Variants in PHF24 observed in about 807,000 individuals in gnomAD.
PHF24 encodes PHD finger protein 24.
In PHF24, 25 loss-of-function variants were observed where a neutral mutation model predicts 42.6. The ratio of observed to expected loss-of-function variants is 0.59; its 90% CI spans 0.43 to 0.82. PHF24 has a LOEUF of 0.82. PHF24 is among the 40% of genes least tolerant of loss of function. PHF24 has a pLI of 0.00. For missense variants in PHF24, 470 were observed against 538.1 expected (o/e 0.87, Z 1.25); for synonymous variants, 185 against 204.8 (o/e 0.90, Z 0.83).
At chr9:34,731,226 C>T in the PHF24 span, among the ~76,000 whole-genome samples, 1 of 152,138 alleles carries the variant, frequency 6.6e-6, no homozygotes, top group Non-Finnish European at 1.5e-5. Flanking sequence ...ATAATCACAT[C>T]AGGGTAAATG....
At chr9:34,951,607 C>T in the PHF24 span, among the ~76,000 whole-genome samples, 1 of 152,118 alleles carries the variant, frequency 6.6e-6, no homozygotes, top group Non-Finnish European at 1.5e-5. Flanking sequence ...CCAAGAGCCT[C>T]CAGAAGGAAT....
chr9:34,971,389 A>C (rs1442055337), exon 2 of PHF24: 2 of 1,614,060 alleles, frequency 1.2e-6, no homozygotes, highest in African/African-American at 1.3e-5. Flanking sequence ...GCTGCGGGAC[A>C]GGCCTTCCAT....
chr9:34,846,981 C>T, the PHF24 span, among the ~76,000 whole-genome samples: 1 of 152,166 alleles, frequency 6.6e-6, no homozygotes, highest in South Asian at 2.1e-4. Flanking sequence ...GTACTAGTAC[C>T]ATGCTGTTTT....
chr9:34,838,526 C>A, the PHF24 span: 3 of 1,303,162 alleles, frequency 2.3e-6, no homozygotes, highest in South Asian at 3.9e-5. Flanking sequence ...GATCAGCCAT[C>A]CCTCTATCTC....
chr9:34,752,803 C>G, the PHF24 span, among the ~76,000 whole-genome samples: 1 of 152,040 alleles, frequency 6.6e-6, no homozygotes, highest in Non-Finnish European at 1.5e-5. Context: ...TACTAGCAAA[C>G]CAAATTCAAC....
the PHF24 span, among the ~76,000 whole-genome samples, chr9:34,708,509 C>T: frequency 5.2e-3 from 788 of 152,286 alleles, 2 homozygotes; most frequent in Middle Eastern, 0.041. Context: ...TCTCTCAGGG[C>T]TGGAACTGTG....
chr9:34,944,991 T>G, the PHF24 span, among the ~76,000 whole-genome samples: 14 of 152,148 alleles, frequency 9.2e-5, no homozygotes, highest in Non-Finnish European at 1.6e-4. Context: ...CTGATTCTCA[T>G]TATCCCTCTG....
At chr9:34,748,689 C>T in the PHF24 span, among the ~76,000 whole-genome samples, 5 of 152,262 alleles carry the variant, frequency 3.3e-5, no homozygotes, top group Non-Finnish European at 7.4e-5. Context: ...TATCACAACA[C>T]CCAAATCCCT....
At chr9:34,974,606 T>C (rs1022340170) in intron 3 of PHF24, among the ~76,000 whole-genome samples, 1 of 152,132 alleles carries the variant, frequency 6.6e-6, no homozygotes, top group African/African-American at 2.4e-5. Context: ...TAGTTTCTTG[T>C]CTCAGTCCTG....
the PHF24 span, among the ~76,000 whole-genome samples, chr9:34,826,311 G>A: frequency 2.6e-5 from 4 of 152,342 alleles, no homozygotes; most frequent in African/African-American, 9.6e-5. Context: ...TGAGCTCAAG[G>A]AAGTCCTCCC....
chr9:34,700,676 C>T, the PHF24 span, among the ~76,000 whole-genome samples: 1 of 152,038 alleles, frequency 6.6e-6, no homozygotes, highest in Non-Finnish European at 1.5e-5. Context: ...GCTGAAGACA[C>T]ACATTTGGGA....
At position 34,958,703 on chromosome 9, in the gene PHF24, G is replaced by A. The variant is rs1250744472; in HGVS notation, c.-5+302G>A. On this transcript the variant is annotated intron_variant, in intron 1 of 7. Transcript: ENST00000242315. The surrounding 1 kb of genome is among the most constrained non-coding windows in gnomAD (Gnocchi z 4.5). ...GACTGGCCCCAGAGAGCCCTTCTGTGTCACTGTGGGAGCAGGCACAAGGGT... is the reference window on the plus strand; with the variant it reads ...GACTGGCCCCAGAGAGCCCTTCTGTATCACTGTGGGAGCAGGCACAAGGGT... Among the ~76,000 whole-genome samples the A allele has an allele frequency of 6.6e-6, 1 of 152,188 alleles. No homozygotes were observed. Among genetic ancestry groups the A allele is most frequent in the Non-Finnish European group, 1.5e-5 (1 of 68,020 alleles).
the PHF24 span, among the ~76,000 whole-genome samples, chr9:34,893,712 G>A: frequency 6.6e-6 from 1 of 152,320 alleles, no homozygotes; most frequent in Admixed American, 6.5e-5. Flanking sequence ...ATGGGAGGGC[G>A]TGGCCCTCAG....
chr9:34,918,408 TAAA>T, the PHF24 span: 27 of 393,210 alleles, frequency 6.9e-5, no homozygotes, highest in East Asian at 8.3e-5. Context: ...CCAAGGTCTT[TAAA>T]AAAAAAAAAA....
At chr9:34,917,953 C>G in the PHF24 span, 1 of 1,542,822 alleles carries the variant, frequency 6.5e-7, no homozygotes, top group Non-Finnish European at 9.0e-7. Flanking sequence ...AGCACCAAGG[C>G]CATGTGGGAG....
chr9:34,673,456 G>A, the PHF24 span, among the ~76,000 whole-genome samples: 1 of 151,810 alleles, frequency 6.6e-6, no homozygotes, highest in Non-Finnish European at 1.5e-5. Context: ...TTAATGAGAA[G>A]CTTTTTTGTT....
chr9:34,791,073 G>C, the PHF24 span, among the ~76,000 whole-genome samples: 1 of 152,206 alleles, frequency 6.6e-6, no homozygotes, highest in Admixed American at 6.5e-5. Context: ...AGACGGTTGA[G>C]CCAGGATGTA....
At chr9:34,793,037 C>A in the PHF24 span, among the ~76,000 whole-genome samples, 1,022 of 152,066 alleles carry the variant, frequency 6.7e-3, 7 homozygotes, top group Non-Finnish European at 0.01. Context: ...CTTATAAAAT[C>A]ATAAAATATT....
chr9:34,723,010 C>T, the PHF24 span: 2 of 625,846 alleles, frequency 3.2e-6, no homozygotes, highest in Non-Finnish European at 5.2e-6. Flanking sequence ...CACACCTTCC[C>T]TTAACACAAT....
Sources: allele counts gnomAD v4.1 joint callset (sites outside exome capture counted in the v4.1 genomes callset), GRCh38; gene constraint gnomAD v4.1.1; non-coding constraint Gnocchi (gnomAD v3.1); transcripts MANE v1.5; gene names NCBI Gene and HGNC (gene_info 2026-07-23, HGNC 2026-07-21).